ADGRB3: variants seen among roughly 807,000 people sequenced by gnomAD.
ADGRB3 encodes the protein adhesion G protein-coupled receptor B3.
A neutral mutation model predicts 193.4 loss-of-function variants in ADGRB3; 37 were observed. The ratio of observed to expected loss-of-function variants is 0.19; its 90% confidence interval spans 0.15 to 0.25. ADGRB3 has a LOEUF of 0.25. Among genes scored for constraint, ADGRB3 ranks in the 10% least tolerant of loss-of-function variants. The probability of loss-of-function intolerance (pLI) is 1.00; values close to 1 mark genes in which losing one functional copy is unlikely to be tolerated. For missense variants in ADGRB3, 1,637 were observed against 1,852.9 expected (o/e 0.88, Z 2.14); for synonymous variants, 690 against 644.2 (o/e 1.07, Z -1.08).
At chr6:69,124,235 T>C (rs1242895102) in intron 17 of ADGRB3, among the ~76,000 whole-genome samples, 1 of 152,208 alleles carries the variant, frequency 6.6e-6, no homozygotes, top group African/African-American at 2.4e-5. Context: ...GATCTTTTTG[T>C]GTCCCATTGA....
intron 3 of ADGRB3, among the ~76,000 whole-genome samples, chr6:68,875,367 T>C (rs1158205111): frequency 1.4e-5 from 2 of 144,314 alleles, no homozygotes; most frequent in Admixed American, 7.0e-5. Context: ...AATCAGCTGA[T>C]ATATTTGGTA....
intron 13 of ADGRB3, among the ~76,000 whole-genome samples, chr6:69,039,390 G>T (rs941802791): frequency 6.6e-6 from 1 of 152,130 alleles, no homozygotes; most frequent in African/African-American, 2.4e-5. Context: ...ATCCACTGAA[G>T]ATCTTGGAAC....
intron 17 of ADGRB3, among the ~76,000 whole-genome samples, chr6:69,204,206 C>G (rs1229434237): frequency 6.6e-6 from 1 of 152,094 alleles, no homozygotes; most frequent in Non-Finnish European, 1.5e-5. Flanking sequence ...ATATAAAAAG[C>G]CCAAAGTCCT....
At chr6:68,817,922 A>G (rs916293620) in intron 3 of ADGRB3, among the ~76,000 whole-genome samples, 18 of 152,076 alleles carry the variant, frequency 1.2e-4, no homozygotes, top group Admixed American at 8.5e-4. Flanking sequence ...TTACATATTT[A>G]GTGTTGTGAT....
rs553927862 is a variant in ADGRB3 at position 68,860,186 on chromosome 6, C to A, written c.758-70373C>A. 1.1e-4 allele frequency among the ~76,000 whole-genome samples: 16 copies of A among 152,102 alleles called. No individual in the cohort carries two copies. The South Asian group carries it at 3.1e-3, about 30-fold the overall frequency. The stretch of plus-strand genomic sequence containing the variant: ...ATATATGCATAAAAAGAAAATCAAG[C>A]CTCACACAGATATATATATAGTTCA... On this transcript the variant is annotated intron_variant, in intron 3 of 31. Coordinates refer to ENST00000370598, the MANE Select transcript of ADGRB3 (RefSeq NM_001704.3).
intron 3 of ADGRB3, among the ~76,000 whole-genome samples, chr6:68,776,882 C>T (rs1384993078): frequency 6.6e-6 from 1 of 152,056 alleles, no homozygotes; most frequent in Non-Finnish European, 1.5e-5. Context: ...CATTTCATAA[C>T]TAAGCAAAAT....
At chr6:68,883,554 G>A (rs1210868037) in intron 3 of ADGRB3, among the ~76,000 whole-genome samples, 1 of 152,140 alleles carries the variant, frequency 6.6e-6, no homozygotes, top group African/African-American at 2.4e-5. Flanking sequence ...CACTCTTGAG[G>A]TCAGCGAGAC....
intron 15 of ADGRB3, among the ~76,000 whole-genome samples, chr6:69,058,357 G>A (rs1166671132): frequency 1.3e-5 from 2 of 150,556 alleles, no homozygotes; most frequent in Admixed American, 6.6e-5. Context: ...TTTTAAAAAG[G>A]GTTTGTCAAT....
chr6:69,276,613 A>C (rs1767308356), intron 20 of ADGRB3, among the ~76,000 whole-genome samples: 1 of 152,110 alleles, frequency 6.6e-6, no homozygotes, highest in African/African-American at 2.4e-5. Flanking sequence ...CCCCGGGCTC[A>C]GGAAAGGGCT....
chr6:69,195,054 G>A (rs944029846), intron 17 of ADGRB3, among the ~76,000 whole-genome samples: 3 of 152,170 alleles, frequency 2.0e-5, no homozygotes, highest in Admixed American at 6.6e-5. Flanking sequence ...ATGTCCAGTG[G>A]TAGAAGTGGA....
intron 17 of ADGRB3, among the ~76,000 whole-genome samples, chr6:69,194,218 A>T (rs1017651778): frequency 1.3e-5 from 2 of 152,150 alleles, no homozygotes; most frequent in African/African-American, 4.8e-5. Context: ...AAAATAAAAA[A>T]GCACTACAAT....
intron 3 of ADGRB3, among the ~76,000 whole-genome samples, chr6:68,683,860 A>G (rs962233950): frequency 2.0e-5 from 3 of 152,068 alleles, no homozygotes; most frequent in African/African-American, 7.2e-5. Flanking sequence ...GCCTGCTTGG[A>G]CCAAGCAGAT....
intron 17 of ADGRB3, among the ~76,000 whole-genome samples, chr6:69,118,324 A>T (rs1421067748): frequency 6.6e-6 from 1 of 152,150 alleles, no homozygotes; most frequent in Non-Finnish European, 1.5e-5. Context: ...CCAAAAAACA[A>T]TCCAGTCTAG....
At chr6:69,295,962 T>A (rs1048708106) in intron 20 of ADGRB3, among the ~76,000 whole-genome samples, 1 of 152,156 alleles carries the variant, frequency 6.6e-6, no homozygotes, top group Non-Finnish European at 1.5e-5. Flanking sequence ...CTTGTTGACT[T>A]GGGAGAGAAC....
At chr6:69,065,517 A>G (rs879622123) in intron 16 of ADGRB3, among the ~76,000 whole-genome samples, 11 of 152,108 alleles carry the variant, frequency 7.2e-5, no homozygotes, top group Non-Finnish European at 1.6e-4. Context: ...AGATTTTGTG[A>G]AATACTTTGG....
chr6:68,660,984 GTATT>G (rs1305284531), intron 3 of ADGRB3, among the ~76,000 whole-genome samples: 3 of 150,322 alleles, frequency 2.0e-5, no homozygotes, highest in Non-Finnish European at 4.5e-5. Context: ...GTATTTGTAT[GTATT>G]TATTTATAAA....
intron 17 of ADGRB3, among the ~76,000 whole-genome samples, chr6:69,100,976 A>AGGG: frequency 9.0e-6 from 1 of 110,558 alleles, no homozygotes; most frequent in African/African-American, 3.3e-5. Context: ...AAAGGGAAGG[A>AGGG]AGGAAGGAAG....
chr6:68,737,766 A>C (rs1765899980), intron 3 of ADGRB3, among the ~76,000 whole-genome samples: 1 of 151,780 alleles, frequency 6.6e-6, no homozygotes, highest in African/African-American at 2.4e-5. Context: ...AAGGAAAGCC[A>C]AAAAAAAGGT....
At position 68,638,842 on chromosome 6, in the gene ADGRB3, C is replaced by T; in HGVS notation, c.167C>T (p.Thr56Ile). The change falls in exon 3 of 32, where the codon ACT (threonine) becomes ATT (isoleucine). Residue 56 changes from threonine (T) to isoleucine (I), a missense_variant. Physicochemically the swap from Thr to Ile is moderately conservative, Grantham distance 89 (BLOSUM62 -1). This residue lies in a region of ADGRB3 where 365 missense variants were observed against 409.8 expected (regional missense o/e 0.89). Transcript: ENST00000370598. The stretch of plus-strand genomic sequence containing the variant: ...TTTCCTAAAAACTTTACAAACTGCA[C>T]TTGGACGCTGGAAAATCCAGATCCA... ...EMFPKNFTNC[T>I]WTLENPDPTK... The T allele has an allele frequency of 1.9e-6, 3 of 1,614,110 alleles. No individual in the cohort carries two copies. Among genetic ancestry groups the T allele is most frequent in the East Asian group, 4.5e-5 (2 of 44,866 alleles).
Sources: gnomAD v4.1 joint callset for allele counts (sites outside exome capture counted in the v4.1 genomes callset) on GRCh38, gnomAD v4.1.1 for gene constraint, gnomAD v4.1.1 regional missense constraint, MANE v1.5 for transcripts, NCBI Gene and HGNC (gene_info 2026-07-23, HGNC 2026-07-21) for gene names.